ARMC1: variants seen among roughly 807,000 people sequenced by gnomAD.
The protein encoded by ARMC1 is armadillo repeat containing 1, also known as armadillo repeat-containing protein 1.
In ARMC1, 16 loss-of-function variants were observed where a neutral mutation model predicts 31.4. The observed-to-expected ratio is 0.51, with a 90% CI of 0.34 to 0.77. The LOEUF (loss-of-function observed/expected upper bound fraction) is 0.77. ARMC1 is among the 30% of genes least tolerant of loss of function. The probability of loss-of-function intolerance (pLI) is 0.01; values close to 1 mark genes in which losing one functional copy is unlikely to be tolerated. For missense variants in ARMC1, 259 were observed against 347.5 expected (o/e 0.75, Z 2.02); for synonymous variants, 114 against 118.9 (o/e 0.96, Z 0.27).
Position 65,604,210 on chromosome 8 carries a change from C to T in ARMC1, c.*184G>A. 1.8e-6 allele frequency: 1 copy of T among 542,952 alleles called. No homozygotes were observed. 33.6% of individuals were successfully genotyped at this position (542,952 alleles called of 1,614,324 possible). On this transcript the variant is annotated 3_prime_UTR_variant, in exon 7 of 7. Transcript: ENST00000276569. ...ATAAACAAAGCAACTCCATCTGTAG[C>T]CTCTGTCCTTTTTACCACTCAGTGG... is the stretch of plus-strand genomic sequence containing the variant.
At chr8:65,633,502 G>A (rs961363714) in intron 1 of ARMC1, among the ~76,000 whole-genome samples, 4 of 152,170 alleles carry the variant, frequency 2.6e-5, no homozygotes, top group Non-Finnish European at 4.4e-5. Context: ...AGGTGTTGGA[G>A]GTACCTTCTG....
chr8:65,607,392 A>G (rs753764403), intron 4 of ARMC1, among the ~76,000 whole-genome samples: 1 of 152,266 alleles, frequency 6.6e-6, no homozygotes, highest in African/African-American at 2.4e-5. Context: ...AAATGTGAGG[A>G]AAGTGAAAAG....
chr8:65,633,582 G>C (rs960168368), intron 1 of ARMC1: 1 of 152,220 alleles, frequency 6.6e-6, no homozygotes, highest in African/African-American at 2.4e-5. Flanking sequence ...ACCTACCCCC[G>C]CCCTCCCAAA....
intron 1 of ARMC1, among the ~76,000 whole-genome samples, chr8:65,631,183 G>T (rs1808634594): frequency 6.6e-6 from 1 of 152,148 alleles, no homozygotes; most frequent in South Asian, 2.1e-4. Context: ...TTCTTACCTT[G>T]ATATTCTTGA....
chr8:65,604,894 A>G (rs1245485076), intron 6 of ARMC1, among the ~76,000 whole-genome samples: 7 of 152,202 alleles, frequency 4.6e-5, no homozygotes, highest in Non-Finnish European at 1.0e-4. Flanking sequence ...AGCTCAAGGT[A>G]TATTTGTTTC....
At chr8:65,623,717 G>C (rs1254946933) in intron 2 of ARMC1, among the ~76,000 whole-genome samples, 1 of 103,476 alleles carries the variant, frequency 9.7e-6, no homozygotes, top group Non-Finnish European at 2.0e-5. Context: ...CATTATATAA[G>C]GTAAGAACAA....
At chr8:65,625,640 A>T (rs920130614) in intron 2 of ARMC1, among the ~76,000 whole-genome samples, 6 of 152,068 alleles carry the variant, frequency 3.9e-5, no homozygotes, top group South Asian at 2.1e-4. Flanking sequence ...TGCATTTCTT[A>T]TTGAAATTGA....
At chr8:65,625,799 T>C (rs1808498836) in intron 2 of ARMC1, among the ~76,000 whole-genome samples, 2 of 152,174 alleles carry the variant, frequency 1.3e-5, no homozygotes, top group African/African-American at 4.8e-5. Context: ...TGTACAAACT[T>C]GTGAAATTAG....
intron 3 of ARMC1, among the ~76,000 whole-genome samples, chr8:65,619,950 C>T (rs1808357734): frequency 6.7e-6 from 1 of 149,664 alleles, no homozygotes. Flanking sequence ...CGCCATTGCA[C>T]TCCAGCCTGG....
intron 4 of ARMC1, among the ~76,000 whole-genome samples, chr8:65,606,216 C>A (rs1184297463): frequency 6.6e-6 from 1 of 151,994 alleles, no homozygotes; most frequent in African/African-American, 2.4e-5. Context: ...CAAAAATTAG[C>A]TGGGCATGGT....
chr8:65,624,311 C>T (rs1406980501), intron 2 of ARMC1, among the ~76,000 whole-genome samples: 2 of 151,004 alleles, frequency 1.3e-5, no homozygotes, highest in South Asian at 2.1e-4. Flanking sequence ...CCAGCCTGGC[C>T]AACATGGCGA....
intron 3 of ARMC1, among the ~76,000 whole-genome samples, chr8:65,617,637 AC>A (rs1808300395): frequency 6.6e-6 from 1 of 151,986 alleles, no homozygotes. Flanking sequence ...AAAATTAATC[AC>A]ACCTAAAATA....
intron 1 of ARMC1, among the ~76,000 whole-genome samples, chr8:65,632,436 A>G (rs1249616136): frequency 2.0e-5 from 3 of 151,678 alleles, no homozygotes; most frequent in Non-Finnish European, 4.4e-5. Flanking sequence ...ACACAGTAAA[A>G]CCCCGTCTCT....
At chr8:65,627,085 T>G in intron 2 of ARMC1, 131 bp downstream of exon 2, 1 of 752,398 alleles carries the variant, frequency 1.3e-6, no homozygotes, top group African/African-American at 1.8e-5. Context: ...TACATATGTT[T>G]GTACCTACAT....
At position 65,602,959 on chromosome 8, in the gene ARMC1, C is replaced by A. The variant is rs1225959782; in HGVS notation, c.*1435G>T. 2 of 151,946 alleles carry A rather than the reference C, an allele frequency of 1.3e-5. No individual in the cohort carries two copies. Among genetic ancestry groups the A allele is most frequent in the African/African-American group, 2.4e-5 (1 of 41,370 alleles). The allele number at this position is 151,946 out of a possible 1,614,324, so 9.4% of individuals were successfully genotyped here. On this transcript the variant is annotated 3_prime_UTR_variant, in exon 7 of 7. Coordinates refer to ENST00000276569, the MANE Select transcript of ARMC1 (RefSeq NM_018120.6). ...AATGTTAGTGAACTCAAGACTCTCA[C>A]TGATGATGGTATTTTACAATGAAAA...
chr8:65,629,059 C>T (rs909440560), intron 1 of ARMC1, among the ~76,000 whole-genome samples: 1 of 150,530 alleles, frequency 6.6e-6, no homozygotes, highest in Non-Finnish European at 1.5e-5. Flanking sequence ...GAGGCTGAGG[C>T]AGGGAGAACT....
chr8:65,631,738 TG>T (rs1332041995), intron 1 of ARMC1, among the ~76,000 whole-genome samples: 1 of 152,200 alleles, frequency 6.6e-6, no homozygotes, highest in African/African-American at 2.4e-5. Context: ...TTGATAAAAA[TG>T]TCCGCCTTTG....
At chr8:65,615,345 A>G (rs1221218513) in intron 3 of ARMC1, among the ~76,000 whole-genome samples, 3 of 152,016 alleles carry the variant, frequency 2.0e-5, no homozygotes, top group Non-Finnish European at 4.4e-5. Context: ...TTAACCAAGA[A>G]CAAGTTATAA....
chr8:65,620,862 G>T (rs1008594227), intron 3 of ARMC1, among the ~76,000 whole-genome samples: 1 of 150,808 alleles, frequency 6.6e-6, no homozygotes, highest in Non-Finnish European at 1.5e-5. Context: ...CAGCACTTTG[G>T]GAGGCTGAGG....
Sources: allele counts gnomAD v4.1 joint callset (sites outside exome capture counted in the v4.1 genomes callset), GRCh38; gene constraint gnomAD v4.1.1; transcripts MANE v1.5; gene names NCBI Gene and HGNC (gene_info 2026-07-23, HGNC 2026-07-21).